The following RNF24 variants were observed in gnomAD, a reference collection of about 807,000 sequenced individuals.
RNF24 encodes the protein ring finger protein 24.
Under a neutral mutation model 20.0 loss-of-function variants are expected in RNF24, and 14 were observed. The observed-to-expected ratio is 0.70, with a 90% CI of 0.46 to 1.10. The LOEUF (loss-of-function observed/expected upper bound fraction) is 1.10, where lower values mean the gene tolerates loss of function less well. Among genes scored for constraint, RNF24 ranks in the 50% least tolerant of loss-of-function variants. RNF24 has a pLI of 0.00. For synonymous variants in RNF24, 45 were observed against 61.1 expected, an observed-to-expected ratio of 0.74 and a Z score of 1.23; for missense variants, 124 against 177.6, an observed-to-expected ratio of 0.70 and a Z score of 1.71.
In RNF24 at chr20:3,934,231, T is replaced by G; in HGVS notation, c.309-30A>C. 6.3e-7 allele frequency: 1 copy of G among 1,597,460 alleles called. No individual in the cohort carries two copies. Among genetic ancestry groups the G allele is most frequent in the Non-Finnish European group, 8.5e-7 (1 of 1,172,276 alleles). On this transcript the variant is annotated intron_variant, in intron 5 of 5. Coordinates refer to ENST00000358395, the MANE Select transcript of RNF24 (RefSeq NM_001134337.3). The surrounding 1 kb of genome is among the most constrained non-coding windows in gnomAD (Gnocchi z 4.0). ...AGAAGGAGACACCACAGGGGGAAGATGTCAGTCCTATGCTCATGGCACGGC... is the reference window on the plus strand; with the variant it reads ...AGAAGGAGACACCACAGGGGGAAGAGGTCAGTCCTATGCTCATGGCACGGC...
chr20:3,992,984 C>T (rs1280560833), intron 1 of RNF24, among the ~76,000 whole-genome samples: 1 of 152,158 alleles, frequency 6.6e-6, no homozygotes, highest in Non-Finnish European at 1.5e-5. Context: ...ATTTTGATTA[C>T]ATCCAATGTA....
chr20:3,998,603 A>T (rs1981107007), intron 1 of RNF24, among the ~76,000 whole-genome samples: 1 of 146,990 alleles, frequency 6.8e-6, no homozygotes, highest in Non-Finnish European at 1.5e-5. Context: ...AAAAAAAAAA[A>T]AAATTAGCCG....
At position 4,002,585 on chromosome 20, in the gene RNF24, A is replaced by G. The variant is rs138651068; in HGVS notation, c.-8+12852T>C. On this transcript the variant is annotated intron_variant, in intron 1 of 5. Coordinates refer to ENST00000358395, the MANE Select transcript of RNF24 (RefSeq NM_001134337.3). ...CTGAAAAAATAGTGTAGGTAAGTCT[A>G]TTAAGTAATATTAATCTCAGGTAGA... Among the ~76,000 whole-genome samples the G allele has an allele frequency of 1.5e-3, 234 of 152,314 alleles. 1 individual carries two copies. Among genetic ancestry groups the G allele is most frequent in the Admixed American group, 4.4e-3 (68 of 15,298 alleles).
At chr20:3,964,181 G>A (rs573555075) in intron 1 of RNF24, among the ~76,000 whole-genome samples, 157 bp from the exon 2 acceptor site, 9 of 152,246 alleles carry the variant, frequency 5.9e-5, no homozygotes, top group Non-Finnish European at 1.3e-4. Flanking sequence ...CATTCACCAT[G>A]CCAAATATTT....
chr20:3,941,547 A>G (rs1238916929), intron 4 of RNF24, among the ~76,000 whole-genome samples: 1 of 152,196 alleles, frequency 6.6e-6, no homozygotes, highest in Non-Finnish European at 1.5e-5. Flanking sequence ...AAATGTTCTA[A>G]TAACCCAAAA....
intron 2 of RNF24, among the ~76,000 whole-genome samples, chr20:3,960,845 A>G (rs2146984134): frequency 6.6e-6 from 1 of 152,134 alleles, no homozygotes; most frequent in Admixed American, 6.5e-5. Flanking sequence ...GAGACAGGGT[A>G]GAGTGTGGCA....
intron 1 of RNF24, among the ~76,000 whole-genome samples, chr20:4,008,471 GTATAATATATAATATAA>G (rs1165203232): frequency 9.6e-6 from 1 of 104,112 alleles, no homozygotes; most frequent in African/African-American, 3.8e-5. Flanking sequence ...TATATAATAT[GTATAATATATAATATAA>G]TATAATATAT....
At chr20:3,998,412 T>G (rs1456352081) in intron 1 of RNF24, among the ~76,000 whole-genome samples, 1 of 151,638 alleles carries the variant, frequency 6.6e-6, no homozygotes, top group African/African-American at 2.4e-5. Flanking sequence ...CCGTCTCTAC[T>G]AAAAATACAA....
At chr20:4,015,177 C>T (rs1181769562) in intron 1 of RNF24, 1 of 152,430 alleles carries the variant, frequency 6.6e-6, no homozygotes, top group African/African-American at 2.4e-5. Context: ...GACAGCCCCG[C>T]TCCGCCCTTT....
intron 1 of RNF24, among the ~76,000 whole-genome samples, chr20:4,005,096 G>T (rs1297701895): frequency 1.3e-5 from 2 of 152,184 alleles, no homozygotes; most frequent in Non-Finnish European, 2.9e-5. Context: ...ACTGTGACAG[G>T]TGGTGGGCTC....
chr20:3,976,313 C>G (rs993471342), intron 1 of RNF24, among the ~76,000 whole-genome samples: 2 of 152,038 alleles, frequency 1.3e-5, no homozygotes, highest in Non-Finnish European at 2.9e-5. Context: ...GAAATTAAAG[C>G]CACAATGAGA....
chr20:3,975,631 T>C (rs973339198), intron 1 of RNF24, among the ~76,000 whole-genome samples: 1 of 152,224 alleles, frequency 6.6e-6, no homozygotes, highest in African/African-American at 2.4e-5. Context: ...TGTGACTTTA[T>C]TTGAAAATAG....
chr20:3,976,151 T>C (rs78137930), intron 1 of RNF24, among the ~76,000 whole-genome samples: 1 of 152,186 alleles, frequency 6.6e-6, no homozygotes, highest in East Asian at 1.9e-4. Context: ...TCTGTTGTTT[T>C]AAGGCACCCA....
chr20:3,979,152 C>CTG (rs1245807615), intron 1 of RNF24, among the ~76,000 whole-genome samples: 12 of 149,950 alleles, frequency 8.0e-5, no homozygotes, highest in South Asian at 2.1e-4. Flanking sequence ...CGTATCTATA[C>CTG]TGTGTGTGCG....
In RNF24 at chr20:3,934,897, C is replaced by G. The variant is rs142533071; in HGVS notation, c.308+97G>C. 2,114 of 901,640 alleles carry G rather than the reference C, an allele frequency of 2.3e-3. 6 individuals are homozygous for G. The highest frequency in any genetic ancestry group is 8.1e-3 in the Middle Eastern group (33 of 4,092). 55.9% of individuals were successfully genotyped at this position (901,640 alleles called of 1,614,324 possible). ...TCTGCATTACAGACCAATCATGAAG[C>G]CATCAAGCTTGTCTGGCACTGCCCT... On this transcript the variant is annotated intron_variant, in intron 5 of 5. Transcript: ENST00000358395. This position sits in a 1 kb window ranked among gnomAD's most constrained non-coding sequence, Gnocchi z 4.0.
In RNF24 at chr20:3,939,219, C is replaced by T. The variant is rs550238380; in HGVS notation, c.229-4146G>A. ...ATGTTGCCCAGGCTGGTCTCAAATT[C>T]CTGGACTCAAGGGAGCTTCCCCCTC... On this transcript the variant is annotated intron_variant, in intron 4 of 5. Transcript: ENST00000358395. Among the ~76,000 whole-genome samples, 7 of 152,246 alleles carry T rather than the reference C, an allele frequency of 4.6e-5. No individual in the cohort carries two copies. In the South Asian group the frequency reaches 1.5e-3, roughly 32 times the overall value.
intron 4 of RNF24, among the ~76,000 whole-genome samples, chr20:3,943,961 G>A (rs1827997291): frequency 6.6e-6 from 1 of 152,140 alleles, no homozygotes; most frequent in South Asian, 2.1e-4. Flanking sequence ...TGTAATCCCA[G>A]CACTTTGGGA....
chr20:3,957,771 TG>T (rs1241785169), intron 2 of RNF24, among the ~76,000 whole-genome samples: 1 of 152,198 alleles, frequency 6.6e-6, no homozygotes, highest in Non-Finnish European at 1.5e-5. Flanking sequence ...TATTTTACAT[TG>T]CACTATTTTA....
intron 1 of RNF24, among the ~76,000 whole-genome samples, chr20:4,000,342 G>A (rs982717364): frequency 7.9e-5 from 12 of 151,988 alleles, no homozygotes; most frequent in Non-Finnish European, 7.4e-5. Context: ...TGGCCAACAT[G>A]GTGAAACCCT....
Sources: allele counts gnomAD v4.1 joint callset (sites outside exome capture counted in the v4.1 genomes callset), GRCh38; gene constraint gnomAD v4.1.1; non-coding constraint Gnocchi (gnomAD v3.1); transcripts MANE v1.5; gene names NCBI Gene and HGNC (gene_info 2026-07-23, HGNC 2026-07-21).